Variants in PCDHGB5 observed in about 807,000 individuals in gnomAD.
PCDHGB5 encodes protocadherin gamma-B5.
A neutral mutation model predicts 62.9 loss-of-function variants in PCDHGB5; 48 were observed. That is an observed-to-expected ratio of 0.76 (90% CI 0.61 to 0.97). The LOEUF is 0.97. Ranked by LOEUF, PCDHGB5 falls within the 50% of genes least tolerant of loss-of-function variation. The pLI, the probability that PCDHGB5 is intolerant of heterozygous loss-of-function variation, is 0.00. For synonymous variants in PCDHGB5, 474 were observed against 511.2 expected (o/e 0.93, Z 0.98); for missense variants, 1,118 against 1,198.6 (o/e 0.93, Z 0.99).
chr5:141,399,309 CA>C lies in PCDHGB5; in HGVS notation c.1187del (p.Asn396IlefsTer6). Reference sequence around the variant, plus strand: ...TCCCTTTTAAGATTATCTCTTCATCCAAAAATTCGTATAAGTTGGTAACAGA... The same window carrying C: ...TCCCTTTTAAGATTATCTCTTCATCCAAAATTCGTATAAGTTGGTAACAGA... ...EVPFKIISSS[K>X]NSYKLVTDGT... On this transcript the variant is annotated frameshift_variant, in exon 1 of 4. Transcript: ENST00000617380. LOFTEE classifies it high-confidence loss of function. The C allele has an allele frequency of 6.2e-7, 1 of 1,613,902 alleles. No individual in the cohort carries two copies. The highest frequency in any genetic ancestry group is 8.5e-7 in the Non-Finnish European group (1 of 1,179,866).
Position 141,490,140 on chromosome 5 carries a change from G to T in PCDHGB5, c.2398-4667G>T. On this transcript the variant is annotated intron_variant, in intron 1 of 3. Transcript: ENST00000617380. This position sits in a 1 kb window ranked among gnomAD's most constrained non-coding sequence, Gnocchi z 5.4. Reference sequence around the variant, plus strand: ...TCTTTGGCCTAGACCCTAGCAGTGGGGCAATCCATGTGTTGGGTCCCATAG... The same window carrying T: ...TCTTTGGCCTAGACCCTAGCAGTGGTGCAATCCATGTGTTGGGTCCCATAG... 1 of 1,614,206 alleles carries T rather than the reference G, an allele frequency of 6.2e-7. No homozygotes were observed. The highest frequency in any genetic ancestry group is 8.5e-7 in the Non-Finnish European group (1 of 1,180,026).
chr5:141,422,916 C>T, intron 1 of PCDHGB5: 1 of 1,614,260 alleles, frequency 6.2e-7, no homozygotes, highest in Non-Finnish European at 8.5e-7. Context: ...CGCCCGAGAT[C>T]CTGTACCCTG....
At chr5:141,402,361 T>G (rs2094255838) in intron 1 of PCDHGB5, among the ~76,000 whole-genome samples, 1 of 151,992 alleles carries the variant, frequency 6.6e-6, no homozygotes, top group Admixed American at 6.6e-5. Flanking sequence ...ATGAATGTAC[T>G]TCCAAACAAG....
In PCDHGB5 at chr5:141,489,523, C is replaced by CT. The variant is rs1379784656; in HGVS notation, c.2398-5283dup. On this transcript the variant is annotated intron_variant, in intron 1 of 3. Coordinates refer to ENST00000617380, the MANE Select transcript of PCDHGB5 (RefSeq NM_018925.3). The surrounding 1 kb of genome is among the most constrained non-coding windows in gnomAD (Gnocchi z 4.5). ...GAATCAAAAGATTGACCGAGAAAGC[C>CT]TATGTGGAGCCAGCACCAGCTGCCT... 1 of 1,614,006 alleles carries CT rather than the reference C, an allele frequency of 6.2e-7. No homozygotes were observed. Among genetic ancestry groups the CT allele is most frequent in the Non-Finnish European group, 8.5e-7 (1 of 1,180,044 alleles).
chr5:141,458,567 TTTTG>T (rs144471304), intron 1 of PCDHGB5, among the ~76,000 whole-genome samples: 42,006 of 151,504 alleles, frequency 0.28, 6,493 homozygotes, highest in African/African-American at 0.43. Context: ...GGTTTTGGGT[TTTTG>T]TTTGTTTGTT....
intron 1 of PCDHGB5, chr5:141,418,363 C>T (rs147423305): frequency 4.4e-4 from 703 of 1,613,984 alleles, no homozygotes; most frequent in Non-Finnish European, 5.5e-4. Flanking sequence ...ATTCGCTGAG[C>T]AAATACCAAC....
chr5:141,501,508 C>A (rs1378333182), intron 2 of PCDHGB5, among the ~76,000 whole-genome samples: 1 of 151,960 alleles, frequency 6.6e-6, no homozygotes, highest in Non-Finnish European at 1.5e-5. Flanking sequence ...GGCTCCAAGG[C>A]CTCCAAGCTG....
Position 141,491,307 on chromosome 5 carries a change from C to CCTTA in PCDHGB5, c.2398-3498_2398-3495dup. On this transcript the variant is annotated intron_variant, in intron 1 of 3. Transcript: ENST00000617380. The surrounding 1 kb of genome is among the most constrained non-coding windows in gnomAD (Gnocchi z 6.9). ...TCATACACCCTCCTGAGCGTTCAGA[C>CCTTA]CTTACCCTTTACCTCATTGTGGCTC... 1 of 1,614,152 alleles carries CCTTA rather than the reference C, an allele frequency of 6.2e-7. No individual in the cohort carries two copies. Among genetic ancestry groups the CCTTA allele is most frequent in the Non-Finnish European group, 8.5e-7 (1 of 1,179,986 alleles).
chr5:141,463,382 T>C (rs2099057893), intron 1 of PCDHGB5, among the ~76,000 whole-genome samples: 1 of 151,594 alleles, frequency 6.6e-6, no homozygotes, highest in Admixed American at 6.6e-5. Context: ...AGTCTGAAAG[T>C]TGTCTCCAGG....
At chr5:141,495,814 T>C (rs2099764028) in intron 2 of PCDHGB5, among the ~76,000 whole-genome samples, 1 of 152,134 alleles carries the variant, frequency 6.6e-6, no homozygotes, top group Non-Finnish European at 1.5e-5. Context: ...TCCTAGCGCC[T>C]TGTGTTCTTC....
chr5:141,507,661 C>T (rs1328943034), intron 3 of PCDHGB5, among the ~76,000 whole-genome samples: 1 of 152,236 alleles, frequency 6.6e-6, no homozygotes, highest in Non-Finnish European at 1.5e-5. Context: ...GCTTTTTAGC[C>T]TAAATCCAGA....
At chr5:141,415,165 C>T (rs1410806560) in intron 1 of PCDHGB5, 10 of 1,613,746 alleles carry the variant, frequency 6.2e-6, no homozygotes, top group Non-Finnish European at 8.5e-6. Context: ...CACTGTCACG[C>T]TCACCGTGGC....
rs374200575 is a variant in PCDHGB5, at chr5:141,432,105, C to T, written c.2397+31581C>T. On this transcript the variant is annotated intron_variant, in intron 1 of 3. Transcript: ENST00000617380. The surrounding 1 kb of genome is among the most constrained non-coding windows in gnomAD (Gnocchi z 6.0). ...AACGTGGCAGACACCAACGACAACC[C>T]GCCGGTCTTCCCTCAGGCCTCCTAT... 1.9e-6 allele frequency: 3 copies of T among 1,614,172 alleles called. No homozygotes were observed. Among genetic ancestry groups the T allele is most frequent in the Admixed American group, 3.3e-5 (2 of 60,032 alleles).
intron 1 of PCDHGB5, among the ~76,000 whole-genome samples, chr5:141,452,401 G>C (rs2098740635): frequency 6.6e-6 from 1 of 152,134 alleles, no homozygotes. Flanking sequence ...CTAAGATCTG[G>C]GTGTGAGGTA....
chr5:141,418,589 C>T (rs184213052), intron 1 of PCDHGB5: 13 of 1,613,896 alleles, frequency 8.1e-6, no homozygotes, highest in African/African-American at 6.7e-5. Flanking sequence ...AGTGTTCAGC[C>T]AGGACGTGTA....
intron 1 of PCDHGB5, chr5:141,418,113 T>C (rs1320881856): frequency 3.1e-6 from 5 of 1,613,912 alleles, no homozygotes; most frequent in Non-Finnish European, 3.4e-6. Context: ...GGGGACTTAC[T>C]TGTGAAGGAC....
At chr5:141,472,003 A>T (rs1450802255) in intron 1 of PCDHGB5, among the ~76,000 whole-genome samples, 1 of 152,176 alleles carries the variant, frequency 6.6e-6, no homozygotes, top group Non-Finnish European at 1.5e-5. Context: ...CCTGCATCGT[A>T]TAGGGGCACT....
At chr5:141,415,503 G>A (rs1354902623) in intron 1 of PCDHGB5, 1 of 1,614,212 alleles carries the variant, frequency 6.2e-7, no homozygotes. Flanking sequence ...TCTTCCCCCA[G>A]CCCAATTATG....
In PCDHGB5 at chr5:141,399,691, C is replaced by T. The variant is rs2093867392; in HGVS notation, c.1564C>T (p.Arg522Cys). Residue 522 changes from arginine to cysteine, a missense_variant, in exon 1 of 4, where the codon CGC (arginine) becomes TGC (cysteine). Physicochemically the swap from Arg to Cys is radical, Grantham distance 180 (BLOSUM62 -3). This residue lies in a region of PCDHGB5 where 1,034 missense variants were observed against 1,029.1 expected (regional missense o/e 1.00). Transcript: ENST00000617380. Reference sequence around the variant, plus strand: ...GCGCGCCTTTGACTACGAGCAGCTGCGCACCTTCGAACTCACACTACAGGC... The same window carrying T: ...GCGCGCCTTTGACTACGAGCAGCTGTGCACCTTCGAACTCACACTACAGGC... ...AQRAFDYEQL[R>C]TFELTLQARD... 6.2e-7 allele frequency: 1 copy of T among 1,613,362 alleles called. No homozygotes were observed. Among genetic ancestry groups the T allele is most frequent in the Admixed American group, 1.7e-5 (1 of 59,986 alleles).
Sources: allele counts gnomAD v4.1 joint callset (sites outside exome capture counted in the v4.1 genomes callset), GRCh38; gene constraint gnomAD v4.1.1; regional missense constraint gnomAD v4.1.1; non-coding constraint Gnocchi (gnomAD v3.1); transcripts MANE v1.5; gene names NCBI Gene and HGNC (gene_info 2026-07-23, HGNC 2026-07-21).